The following MARK2 variants were observed in gnomAD, a reference collection of about 807,000 sequenced individuals.
MARK2 encodes the protein microtubule affinity regulating kinase 2, also known as serine/threonine-protein kinase MARK2.
In MARK2, 16 loss-of-function variants were observed where a neutral mutation model predicts 89.8. The observed-to-expected ratio is 0.18, with a 90% CI of 0.12 to 0.27. The LOEUF (loss-of-function observed/expected upper bound fraction) is 0.27, where lower values mean the gene tolerates loss of function less well. Ranked by LOEUF, MARK2 falls within the 10% of genes least tolerant of loss-of-function variation. The pLI, the probability that MARK2 is intolerant of heterozygous loss-of-function variation, is 1.00. For missense variants in MARK2, 621 were observed against 1,049.9 expected, an observed-to-expected ratio of 0.59 and a Z score of 5.65; for synonymous variants, 382 against 399.5, an observed-to-expected ratio of 0.96 and a Z score of 0.52.
In MARK2 at chr11:63,872,143, G is replaced by A. The variant is rs185506050; in HGVS notation, c.55-23016G>A. ...GGAAGTATGTAGTGGCCATTCCTCC[G>A]GCCACTCCTGACAAATATTTCTGTC... On this transcript the variant is annotated intron_variant, in intron 1 of 18. Coordinates refer to ENST00000402010, the MANE Select transcript of MARK2 (RefSeq NM_001039469.3). Among the ~76,000 whole-genome samples the A allele has an allele frequency of 2.0e-4, 30 of 152,252 alleles. 1 individual carries two copies. The East Asian group carries it at 5.8e-3, about 29-fold the overall frequency.
At chr11:63,841,609 G>C (rs986766389) in intron 1 of MARK2, among the ~76,000 whole-genome samples, 2 of 152,194 alleles carry the variant, frequency 1.3e-5, no homozygotes, top group Non-Finnish European at 2.9e-5. Context: ...GGTAAACCCT[G>C]CTTAACCAGA....
chr11:63,857,652 T>C (rs2016932360), intron 1 of MARK2, among the ~76,000 whole-genome samples: 1 of 152,244 alleles, frequency 6.6e-6, no homozygotes, highest in African/African-American at 2.4e-5. Context: ...AATTGATACA[T>C]ATTTAAATTT....
At chr11:63,858,889 G>T (rs1199787964) in intron 1 of MARK2, among the ~76,000 whole-genome samples, 1 of 152,136 alleles carries the variant, frequency 6.6e-6, no homozygotes, top group Non-Finnish European at 1.5e-5. Flanking sequence ...TTGCTGTCTT[G>T]GTTTTCAGTT....
chr11:63,868,995 A>T (rs975197954), intron 1 of MARK2: 5 of 385,574 alleles, frequency 1.3e-5, no homozygotes, highest in African/African-American at 1.0e-4. Flanking sequence ...ACTAGGGACC[A>T]TGTTTTCCGA....
rs147425490 is a variant in MARK2 at position 63,901,422 on chromosome 11, G to GGTGTGTGTGTGTGTGTGTGTGT, written c.1101+367_1101+368insGTGTGTGTGTGTGTGTGTGTGT. On this transcript the variant is annotated intron_variant, in intron 11 of 18. Transcript: ENST00000402010. ...TTGTATCTGGAAGTGTACATTTCTGGGTGTGTGTGTGTGTCTCTGTGTGTG... is the reference window on the plus strand; with the variant it reads ...TTGTATCTGGAAGTGTACATTTCTGGGTGTGTGTGTGTGTGTGTGTGTGTGTGTGTGTGTGTCTCTGTGTGTG... Among the ~76,000 whole-genome samples the GGTGTGTGTGTGTGTGTGTGTGT allele has an allele frequency of 1.9e-3, 263 of 139,694 alleles. 2 individuals are homozygous for GGTGTGTGTGTGTGTGTGTGTGT. The highest frequency in any genetic ancestry group is 6.1e-3 in the African/African-American group (226 of 36,798). The allele number at this position is 139,694 out of a possible 152,430, so 91.6% of individuals were successfully genotyped here.
chr11:63,896,669 T>G (rs1373429889), intron 3 of MARK2, among the ~76,000 whole-genome samples: 3 of 152,178 alleles, frequency 2.0e-5, no homozygotes, highest in Admixed American at 2.0e-4. Context: ...CCAAGGTGTT[T>G]CCTATTTATT....
At chr11:63,878,937 A>C (rs577186170) in intron 1 of MARK2, among the ~76,000 whole-genome samples, 6 of 152,282 alleles carry the variant, frequency 3.9e-5, no homozygotes, top group African/African-American at 7.2e-5. Flanking sequence ...CTTAGAACAG[A>C]ACTTTTGGTA....
At chr11:63,858,785 T>TATTA in intron 1 of MARK2, among the ~76,000 whole-genome samples, 1 of 152,206 alleles carries the variant, frequency 6.6e-6, no homozygotes, top group East Asian at 1.9e-4. Flanking sequence ...GGACTGATAA[T>TATTA]CCCTGTCCTC....
At chr11:63,855,530 A>AC (rs1554973980) in intron 1 of MARK2, among the ~76,000 whole-genome samples, 11 of 151,406 alleles carry the variant, frequency 7.3e-5, no homozygotes, top group South Asian at 2.1e-4. Context: ...TCAAAAACAA[A>AC]AAAAAAAAAA....
At chr11:63,890,085 C>CTA in intron 1 of MARK2, 2 of 415,258 alleles carry the variant, frequency 4.8e-6, no homozygotes, top group East Asian at 1.4e-4. Flanking sequence ...TTAGCCACTG[C>CTA]ATACTCTTAC....
chr11:63,865,974 A>C (rs1198926367), intron 1 of MARK2, among the ~76,000 whole-genome samples: 1 of 152,080 alleles, frequency 6.6e-6, no homozygotes, highest in Non-Finnish European at 1.5e-5. Flanking sequence ...TGTCTCTTCT[A>C]CCCTGCTCTC....
chr11:63,868,668 T>C (rs1938268112), intron 1 of MARK2: 2 of 417,888 alleles, frequency 4.8e-6, no homozygotes, highest in Non-Finnish European at 9.8e-6. Context: ...CTGGCTTTGC[T>C]GAGTTCTGTC....
intron 1 of MARK2, among the ~76,000 whole-genome samples, chr11:63,854,003 G>C (rs1478877082): frequency 6.6e-6 from 1 of 151,972 alleles, no homozygotes; most frequent in East Asian, 1.9e-4. Context: ...CTCCCAAGTT[G>C]CTGGGATTAC....
In MARK2 at chr11:63,903,104, C is replaced by T; in HGVS notation, c.1460C>T (p.Pro487Leu). The T allele has an allele frequency of 6.2e-7, 1 of 1,614,072 alleles. No individual in the cohort carries two copies. ...STSTNRSRNS[P>L]LLERASLGQA... ...AGCACAAATCGAAGCAGGAATTCCCCACTTTTGGAGCGGGCCAGCCTCGGC... is the reference window on the plus strand; with the variant it reads ...AGCACAAATCGAAGCAGGAATTCCCTACTTTTGGAGCGGGCCAGCCTCGGC... The change falls in exon 14 of 19, where the codon CCA becomes CTA. Residue 487 changes from proline (P) to leucine (L), a missense_variant. Physicochemically the swap from Pro to Leu is moderately conservative, Grantham distance 98. Around this residue, in one of 5 missense-constraint regions of MARK2, gnomAD observed 397 missense variants for 567.8 expected, o/e 0.70. Transcript: ENST00000402010. The surrounding 1 kb of genome is among the most constrained non-coding windows in gnomAD (Gnocchi z 5.1).
intron 1 of MARK2, among the ~76,000 whole-genome samples, chr11:63,847,809 G>T (rs2016356914): frequency 6.6e-6 from 1 of 152,138 alleles, no homozygotes; most frequent in African/African-American, 2.4e-5. Context: ...ACAACTTGGT[G>T]AAAGACCCTC....
chr11:63,885,673 A>T (rs1939351037), intron 1 of MARK2, among the ~76,000 whole-genome samples: 1 of 151,952 alleles, frequency 6.6e-6, no homozygotes, highest in South Asian at 2.1e-4. Flanking sequence ...CATCTTACTA[A>T]AAATACAAAA....
rs1941627486 is a variant in MARK2 at position 63,909,704 on chromosome 11, TGGA to T, written c.*469_*471del. The T allele has an allele frequency of 6.5e-6, 1 of 152,690 alleles. No homozygotes were observed. Among genetic ancestry groups the T allele is most frequent in the Non-Finnish European group, 1.5e-5 (1 of 68,444 alleles). 9.5% of individuals were successfully genotyped at this position (152,690 alleles called of 1,614,324 possible). On this transcript the variant is annotated 3_prime_UTR_variant, in exon 19 of 19. Coordinates refer to ENST00000402010, the MANE Select transcript of MARK2 (RefSeq NM_001039469.3). ...CTGGAACACTCTCAGGCAAGAGTGG[TGGA>T]GCTCCCGTCAGGCCCTCCGCCAGGC...
intron 1 of MARK2, among the ~76,000 whole-genome samples, chr11:63,872,185 C>T (rs1307580195): frequency 6.6e-6 from 1 of 152,206 alleles, no homozygotes; most frequent in Admixed American, 6.5e-5. Context: ...CAGCACCTCT[C>T]TGTGGCAGCC....
intron 1 of MARK2, among the ~76,000 whole-genome samples, chr11:63,871,043 A>G (rs1180417539): frequency 6.6e-6 from 1 of 152,152 alleles, no homozygotes; most frequent in African/African-American, 2.4e-5. Flanking sequence ...TTTGATATCA[A>G]TTTTACATGT....
Sources: allele counts gnomAD v4.1 joint callset (sites outside exome capture counted in the v4.1 genomes callset), GRCh38; gene constraint gnomAD v4.1.1; regional missense constraint gnomAD v4.1.1; non-coding constraint Gnocchi (gnomAD v3.1); transcripts MANE v1.5; gene names NCBI Gene and HGNC (gene_info 2026-07-23, HGNC 2026-07-21).